CAVIN4: variants seen among roughly 807,000 people sequenced by gnomAD.
The protein encoded by CAVIN4 is caveolae associated protein 4.
Under a neutral mutation model 18.6 loss-of-function variants are expected in CAVIN4, and 10 were observed. That is an observed-to-expected ratio of 0.54 (90% CI 0.33 to 0.91). CAVIN4 has a LOEUF of 0.91. CAVIN4 is among the 40% of genes least tolerant of loss of function. CAVIN4 has a pLI of 0.02. For missense variants in CAVIN4, 459 were observed against 440.5 expected (o/e 1.04, Z -0.38); for synonymous variants, 173 against 164.8 (o/e 1.05, Z -0.38).
chr9:100,580,089 GA>G (rs35501623), intron 1 of CAVIN4, among the ~76,000 whole-genome samples: 8,378 of 138,048 alleles, frequency 0.061, 437 homozygotes, highest in East Asian at 0.22. Flanking sequence ...AAAAATTTGG[GA>G]AAAAAAAAAA....
rs141750274 is a variant in CAVIN4 at position 100,586,042 on chromosome 9, A to G, written c.686A>G (p.Glu229Gly). ...ATTAGAACTAGAATAGTGACCCCGG[A>G]GAGGAGAGAGAGGCTAAGGCAGTCA... ...NRIRTRIVTPERRERLRQSGE... is the reference protein window; with the variant it reads ...NRIRTRIVTPGRRERLRQSGE... Residue 229 changes from glutamate (E) to glycine (G), a missense_variant, in exon 2 of 2, where the codon GAG (glutamate) becomes GGG (glycine). Glu to Gly is a moderately conservative substitution (Grantham distance 98, BLOSUM62 -2). Transcript: ENST00000307584. 1.5e-5 allele frequency: 25 copies of G among 1,614,056 alleles called. No individual in the cohort carries two copies. Among genetic ancestry groups the G allele is most frequent in the African/African-American group, 2.7e-5 (2 of 74,926 alleles).
upstream of CAVIN4, chr9:100,578,047 CTT>C (rs1839384175): frequency 1.5e-6 from 2 of 1,305,144 alleles, no homozygotes; most frequent in African/African-American, 2.9e-5. Flanking sequence ...GTTTCCAACT[CTT>C]TAAACAACCC....
chr9:100,579,414 CA>C (rs1024208201), intron 1 of CAVIN4, among the ~76,000 whole-genome samples: 2 of 152,190 alleles, frequency 1.3e-5, no homozygotes, highest in Non-Finnish European at 2.9e-5. Context: ...TTACAAAACA[CA>C]AATAAGAATA....
In CAVIN4 at chr9:100,587,973, TAGAG is replaced by T. The variant is rs1344668639; in HGVS notation, c.*1524_*1527del. The T allele has an allele frequency of 6.6e-6, 1 of 152,216 alleles. No individual in the cohort carries two copies. The highest frequency in any genetic ancestry group is 1.5e-5 in the Non-Finnish European group (1 of 68,034). 9.4% of individuals were successfully genotyped at this position (152,216 alleles called of 1,614,324 possible). ...TGTTTAATGTAGCATGGTGTTGTAA[TAGAG>T]AAGAAATGATGAAATTGTTGAATTT... On this transcript the variant is annotated 3_prime_UTR_variant, in exon 2 of 2. Coordinates refer to ENST00000307584, the MANE Select transcript of CAVIN4 (RefSeq NM_001018116.2).
intron 1 of CAVIN4, among the ~76,000 whole-genome samples, chr9:100,584,774 G>T (rs1038257039): frequency 4.6e-5 from 7 of 152,224 alleles, no homozygotes; most frequent in Non-Finnish European, 1.5e-5. Context: ...CCAGCTACTT[G>T]GGAGACTGAA....
In CAVIN4 at chr9:100,578,494, T is replaced by C; in HGVS notation, c.351T>C (p.Val117=). 1 of 1,613,900 alleles carries C rather than the reference T, an allele frequency of 6.2e-7. No homozygotes were observed. The highest frequency in any genetic ancestry group is 8.5e-7 in the Non-Finnish European group (1 of 1,179,974). The change falls in exon 1 of 2, where the codon GTT becomes GTC. Residue 117 remains valine (V), a synonymous_variant. Coordinates refer to ENST00000307584, the MANE Select transcript of CAVIN4 (RefSeq NM_001018116.2). ...VEKQQIHVKK[V]EVKQEEIMKK... ...AGCAACAAATTCATGTTAAAAAAGT[T>C]GAAGTCAAGCAAGAGGAAATAATGA...
chr9:100,581,072 G>A (rs996878774), intron 1 of CAVIN4: 2 of 151,964 alleles, frequency 1.3e-5, no homozygotes, highest in Non-Finnish European at 2.9e-5. Context: ...ATTTCTTTTC[G>A]AACATACTAT....
chr9:100,584,536 A>G (rs576118256), intron 1 of CAVIN4, among the ~76,000 whole-genome samples: 14 of 152,374 alleles, frequency 9.2e-5, no homozygotes, highest in Admixed American at 8.5e-4. Context: ...AATCTGGAGA[A>G]GACCTCTGGG....
chr9:100,583,560 G>A (rs1273332160), intron 1 of CAVIN4, among the ~76,000 whole-genome samples: 4 of 152,128 alleles, frequency 2.6e-5, no homozygotes, highest in African/African-American at 9.7e-5. Context: ...GTTTTCAACA[G>A]AGTGATGCTT....
chr9:100,578,169 A>G lies in CAVIN4; in HGVS notation c.26A>G (p.Asn9Ser). 1 of 1,614,022 alleles carries G rather than the reference A, an allele frequency of 6.2e-7. No homozygotes were observed. The highest frequency in any genetic ancestry group is 1.3e-5 in the African/African-American group (1 of 75,036). Residue 9 changes from asparagine (N) to serine (S), a missense_variant, in exon 1 of 2, where the codon AAT (asparagine) becomes AGT (serine). By Grantham distance (46) the Asn-to-Ser change is conservative. Coordinates refer to ENST00000307584, the MANE Select transcript of CAVIN4 (RefSeq NM_001018116.2). ...ATGGAACATAATGGGTCTGCTTCAA[A>G]TGCTGATAAAATCCACCAGAATCGC... MEHNGSAS[N>S]ADKIHQNRLS...
At chr9:100,582,371 G>C (rs2087746927) in intron 1 of CAVIN4, among the ~76,000 whole-genome samples, 1 of 151,740 alleles carries the variant, frequency 6.6e-6, no homozygotes, top group Admixed American at 6.6e-5. Flanking sequence ...AAAGAGACAG[G>C]GTCTTGGTCT....
At position 100,586,341 on chromosome 9, in the gene CAVIN4, C is replaced by T. The variant is rs141175381; in HGVS notation, c.985C>T (p.His329Tyr). The T allele has an allele frequency of 1.3e-5, 21 of 1,613,878 alleles. No homozygotes were observed. Among genetic ancestry groups the T allele is most frequent in the South Asian group, 4.4e-5 (4 of 91,060 alleles). The change falls in exon 2 of 2, where the codon CAT becomes TAT. Residue 329 changes from histidine to tyrosine, a missense_variant. Transcript: ENST00000307584. ...HEAARPVYPP[H>Y]EGREIPTPEP... The stretch of plus-strand genomic sequence containing the variant: ...GGCAGCCAGGCCGGTGTATCCTCCC[C>T]ATGAAGGAAGGGAAATCCCCACCCC...
chr9:100,584,069 C>T (rs1240995330), intron 1 of CAVIN4, among the ~76,000 whole-genome samples: 1 of 152,188 alleles, frequency 6.6e-6, no homozygotes, highest in Non-Finnish European at 1.5e-5. Flanking sequence ...GCCCTTTCAT[C>T]ACTCTGCTGT....
At position 100,583,886 on chromosome 9, in the gene CAVIN4, C is replaced by A. The variant is rs891525592; in HGVS notation, c.409-1879C>A. Among the ~76,000 whole-genome samples the A allele has an allele frequency of 5.3e-5, 8 of 152,298 alleles. No individual in the cohort carries two copies. The East Asian group carries it at 7.7e-4, about 15-fold the overall frequency. On this transcript the variant is annotated intron_variant, in intron 1 of 1. Coordinates refer to ENST00000307584, the MANE Select transcript of CAVIN4 (RefSeq NM_001018116.2). ...TCTCGAACTCCTGACCTCAGGTGAT[C>A]CCCCTGCCTCGGCCTTCCAGAGTGT...
In CAVIN4 at chr9:100,586,112, G is replaced by A; in HGVS notation, c.756G>A (p.Gly252=). The part of the protein sequence containing the change: ...RQSGERLRQS[G]ERFKKSISNA... ...CAGGGGAGAGGCTGAGACAGTCAGG[G>A]GAGAGGTTTAAGAAATCTATTTCTA... Residue 252 remains glycine (G), a synonymous_variant, in exon 2 of 2, where the codon GGG becomes GGA. Transcript: ENST00000307584. The A allele has an allele frequency of 6.2e-7, 1 of 1,601,276 alleles. No homozygotes were observed. The highest frequency in any genetic ancestry group is 8.5e-7 in the Non-Finnish European group (1 of 1,173,922).
At position 100,586,471 on chromosome 9, in the gene CAVIN4, T is replaced by C. The variant is rs1484494769; in HGVS notation, c.*20T>C. On this transcript the variant is annotated 3_prime_UTR_variant, in exon 2 of 2. Transcript: ENST00000307584. ...TCGTAAAGAGGAATTAAGTATATCC[T>C]AAATATGAATCTCCTAATCATGCAG... is the stretch of plus-strand genomic sequence containing the variant. 1.9e-6 allele frequency: 3 copies of C among 1,590,826 alleles called. No individual in the cohort carries two copies. The highest frequency in any genetic ancestry group is 2.6e-6 in the Non-Finnish European group (3 of 1,163,386).
chr9:100,578,212 AG>A lies in CAVIN4; in HGVS notation c.70del (p.Asp24MetfsTer11). The A allele has an allele frequency of 1.2e-6, 2 of 1,614,040 alleles. No homozygotes were observed. Among genetic ancestry groups the A allele is most frequent in the Non-Finnish European group, 1.7e-6 (2 of 1,179,922 alleles). On this transcript the variant is annotated frameshift_variant, in exon 1 of 2. Transcript: ENST00000307584. LOFTEE classifies it high-confidence loss of function. ...HQNRLSSVTEDEDQDAALTIV... is the reference protein window; with the variant it reads ...HQNRLSSVTEXEDQDAALTIV... ...AGAATCGCCTGTCGAGTGTTACAGA[AG>A]ATGAAGACCAAGACGCTGCTCTTAC...
At position 100,586,032 on chromosome 9, in the gene CAVIN4, G is replaced by T; in HGVS notation, c.676G>T (p.Val226Leu). Residue 226 changes from valine (V) to leucine (L), a missense_variant, in exon 2 of 2, where the codon GTG becomes TTG. Coordinates refer to ENST00000307584, the MANE Select transcript of CAVIN4 (RefSeq NM_001018116.2). Reference protein sequence around the residue: ...KKVNRIRTRIVTPERRERLRQ... With the variant: ...KKVNRIRTRILTPERRERLRQ... ...AGTGAACAGAATTAGAACTAGAATAGTGACCCCGGAGAGGAGAGAGAGGCT... is the reference window on the plus strand; with the variant it reads ...AGTGAACAGAATTAGAACTAGAATATTGACCCCGGAGAGGAGAGAGAGGCT... 6.2e-7 allele frequency: 1 copy of T among 1,614,204 alleles called. No homozygotes were observed. The highest frequency in any genetic ancestry group is 2.2e-5 in the East Asian group (1 of 44,892).
chr9:100,585,860 A>C lies in CAVIN4; in HGVS notation c.504A>C (p.Pro168=), dbSNP rs559664814. Residue 168 remains proline, a synonymous_variant, in exon 2 of 2, where the codon CCA becomes CCC. Transcript: ENST00000307584. The part of the protein sequence containing the change: ...EEDDDDIFDP[P]VDLSSDEEYY... ...ATGATGATGATATCTTTGATCCCCC[A>C]GTAGATCTGTCTTCGGATGAAGAAT... The C allele has an allele frequency of 1.9e-4, 300 of 1,614,218 alleles. 7 individuals carry two copies. In the South Asian group the frequency reaches 3.2e-3, roughly 17 times the overall value.
Sources: allele counts gnomAD v4.1 joint callset (sites outside exome capture counted in the v4.1 genomes callset), GRCh38; gene constraint gnomAD v4.1.1; transcripts MANE v1.5; gene names NCBI Gene and HGNC (gene_info 2026-07-23, HGNC 2026-07-21).